Variants in HACD2 observed in about 807,000 individuals in gnomAD.
The protein encoded by HACD2 is 3-hydroxyacyl-CoA dehydratase 2.
Under a neutral mutation model 31.0 loss-of-function variants are expected in HACD2, and 15 were observed. The observed-to-expected ratio is 0.48, with a 90% CI of 0.32 to 0.75. HACD2 has a LOEUF of 0.75. Ranked by LOEUF, HACD2 falls within the 30% of genes least tolerant of loss-of-function variation. HACD2 has a pLI of 0.03. For missense variants in HACD2, 283 were observed against 313.0 expected, an observed-to-expected ratio of 0.90 and a Z score of 0.72; for synonymous variants, 115 against 122.2, an observed-to-expected ratio of 0.94 and a Z score of 0.39.
rs1312772288 is a variant in HACD2, at chr3:123,493,730, C to G, written c.*1158G>C. 1 of 152,112 alleles carries G rather than the reference C, an allele frequency of 6.6e-6. No individual in the cohort carries two copies. Among genetic ancestry groups the G allele is most frequent in the Non-Finnish European group, 1.5e-5 (1 of 68,036 alleles). The allele number at this position is 152,112 out of a possible 1,614,324, so 9.4% of individuals were successfully genotyped here. On this transcript the variant is annotated 3_prime_UTR_variant, in exon 7 of 7. Transcript: ENST00000383657. ...ATGGATTAGACAATGTCGGTAGTAC[C>G]AAACTATTTCTTGGCTGCTCCAACA...
intron 2 of HACD2, among the ~76,000 whole-genome samples, chr3:123,577,506 A>C (rs1443113677): frequency 2.0e-5 from 3 of 151,854 alleles, no homozygotes. Flanking sequence ...CTGTAGTCCC[A>C]GCTACTCGGG....
chr3:123,548,323 A>G (rs1015122560), intron 3 of HACD2, among the ~76,000 whole-genome samples: 2 of 152,032 alleles, frequency 1.3e-5, no homozygotes, highest in African/African-American at 4.8e-5. Context: ...CTATGTCACA[A>G]GGGACATTCT....
At chr3:123,524,485 A>G (rs557714109) in intron 4 of HACD2, among the ~76,000 whole-genome samples, 4 of 152,292 alleles carry the variant, frequency 2.6e-5, no homozygotes, top group African/African-American at 9.6e-5. Flanking sequence ...TAGGGCCCAC[A>G]ATTGATGTGT....
intron 4 of HACD2, among the ~76,000 whole-genome samples, chr3:123,526,711 C>T (rs2056288826): frequency 6.6e-6 from 1 of 152,188 alleles, no homozygotes; most frequent in Non-Finnish European, 1.5e-5. Flanking sequence ...TCCTTTGCAT[C>T]TGGCAGGCAG....
intron 3 of HACD2, among the ~76,000 whole-genome samples, chr3:123,536,683 A>G (rs1236537236): frequency 2.6e-5 from 4 of 152,240 alleles, no homozygotes; most frequent in African/African-American, 9.6e-5. Flanking sequence ...TTACAAAAAT[A>G]ATACTTCAGA....
At chr3:123,559,404 CA>C (rs1305677293) in intron 3 of HACD2, among the ~76,000 whole-genome samples, 1 of 152,216 alleles carries the variant, frequency 6.6e-6, no homozygotes, top group East Asian at 1.9e-4. Context: ...CATACTTTGG[CA>C]CGTTTAAACA....
At chr3:123,516,690 T>G (rs1193616952) in intron 4 of HACD2, among the ~76,000 whole-genome samples, 1 of 152,214 alleles carries the variant, frequency 6.6e-6, no homozygotes, top group Non-Finnish European at 1.5e-5. Context: ...AGTAAACTTT[T>G]CTGAACATGC....
intron 6 of HACD2, among the ~76,000 whole-genome samples, chr3:123,497,179 C>A (rs548807702): frequency 6.6e-6 from 1 of 152,340 alleles, no homozygotes; most frequent in African/African-American, 2.4e-5. Context: ...GACCATGAGA[C>A]TGAAAGCTTT....
At chr3:123,526,925 T>C (rs2056292003) in intron 4 of HACD2, among the ~76,000 whole-genome samples, 1 of 152,208 alleles carries the variant, frequency 6.6e-6, no homozygotes, top group African/African-American at 2.4e-5. Context: ...GATGTGCTCA[T>C]AGCTGAGGAG....
chr3:123,541,429 A>C (rs561293330), intron 3 of HACD2, among the ~76,000 whole-genome samples: 1 of 152,346 alleles, frequency 6.6e-6, no homozygotes, highest in East Asian at 1.9e-4. Flanking sequence ...TCCTATTGGC[A>C]ATGTTCCTTC....
chr3:123,509,327 G>A (rs529940350), intron 4 of HACD2, among the ~76,000 whole-genome samples: 78 of 151,858 alleles, frequency 5.1e-4, no homozygotes, highest in African/African-American at 1.9e-3. Context: ...GTGATCGCAC[G>A]ACTGCACTCC....
intron 4 of HACD2, among the ~76,000 whole-genome samples, chr3:123,516,233 A>ATTTTT (rs138783399): frequency 7.9e-6 from 1 of 125,812 alleles, no homozygotes; most frequent in African/African-American, 2.8e-5. Flanking sequence ...TGTGCAACAT[A>ATTTTT]TTTTTTTTTT....
At chr3:123,519,678 G>T (rs1287353127) in intron 4 of HACD2, among the ~76,000 whole-genome samples, 1 of 152,118 alleles carries the variant, frequency 6.6e-6, no homozygotes, top group Non-Finnish European at 1.5e-5. Context: ...TTTCAAAATA[G>T]ATTTATTTTG....
At chr3:123,517,475 T>C (rs1175284594) in intron 4 of HACD2, among the ~76,000 whole-genome samples, 1 of 152,206 alleles carries the variant, frequency 6.6e-6, no homozygotes, top group East Asian at 1.9e-4. Flanking sequence ...CTTCATCATA[T>C]ATATCTAATC....
At chr3:123,502,489 T>C in intron 5 of HACD2, 71 bp downstream of exon 5, 1 of 1,508,794 alleles carries the variant, frequency 6.6e-7, no homozygotes, top group Non-Finnish European at 9.0e-7. Context: ...TGAGGCAATA[T>C]TTAGGCAATA....
chr3:123,561,790 A>G (rs78476787), intron 3 of HACD2, among the ~76,000 whole-genome samples: 1 of 152,014 alleles, frequency 6.6e-6, no homozygotes, highest in Non-Finnish European at 1.5e-5. Context: ...AAAAAAAAAA[A>G]ACATATCTCA....
intron 3 of HACD2, among the ~76,000 whole-genome samples, chr3:123,566,752 C>A (rs559117053): frequency 1.3e-5 from 2 of 152,054 alleles, no homozygotes; most frequent in Non-Finnish European, 2.9e-5. Flanking sequence ...CAAAAATTAG[C>A]CAGGCATGGT....
chr3:123,516,228 A>T (rs1450058513), intron 4 of HACD2, among the ~76,000 whole-genome samples: 1 of 125,768 alleles, frequency 8.0e-6, no homozygotes, highest in Non-Finnish European at 1.6e-5. Flanking sequence ...AATAATGTGC[A>T]ACATATTTTT....
intron 3 of HACD2, among the ~76,000 whole-genome samples, chr3:123,567,224 A>G (rs1017752100): frequency 6.6e-6 from 1 of 152,190 alleles, no homozygotes; most frequent in African/African-American, 2.4e-5. Context: ...GCAATATTTG[A>G]TGACTCGCCC....
Sources: allele counts gnomAD v4.1 joint callset (sites outside exome capture counted in the v4.1 genomes callset), GRCh38; gene constraint gnomAD v4.1.1; transcripts MANE v1.5; gene names NCBI Gene and HGNC (gene_info 2026-07-23, HGNC 2026-07-21).